The following NAA30 variants were observed in gnomAD, a reference collection of about 807,000 sequenced individuals.
NAA30 encodes the protein N-alpha-acetyltransferase 30.
A neutral mutation model predicts 31.4 loss-of-function variants in NAA30; 5 were observed. That is an observed-to-expected ratio of 0.16 (90% CI 0.08 to 0.33). The LOEUF (loss-of-function observed/expected upper bound fraction) is 0.33. Ranked by LOEUF, NAA30 falls within the 10% of genes least tolerant of loss-of-function variation. The pLI is 1.00. For missense variants in NAA30, 428 were observed against 490.8 expected, an observed-to-expected ratio of 0.87 and a Z score of 1.21; for synonymous variants, 222 against 207.1, an observed-to-expected ratio of 1.07 and a Z score of -0.62.
chr14:57,415,525 C>T lies in NAA30; in HGVS notation c.*6009C>T, dbSNP rs773542546. The T allele has an allele frequency of 2.0e-5, 3 of 152,002 alleles. No individual in the cohort carries two copies. Among genetic ancestry groups the T allele is most frequent in the African/African-American group, 4.8e-5 (2 of 41,378 alleles). The allele number at this position is 152,002 out of a possible 1,614,324, so 9.4% of individuals were successfully genotyped here. A position where few individuals can be genotyped will look rare whatever the true frequency, so the allele number is the denominator to read the frequency against. On this transcript the variant is annotated 3_prime_UTR_variant, in exon 5 of 5. Transcript: ENST00000556492. Reference sequence around the variant, plus strand: ...CTAGTTGTAATAATTTGTAAAAATGCGTGTATTTTTAGGAATGCGCTATTT... The same window carrying T: ...CTAGTTGTAATAATTTGTAAAAATGTGTGTATTTTTAGGAATGCGCTATTT...
At chr14:57,398,333 T>C (rs1425167618) in intron 3 of NAA30, among the ~76,000 whole-genome samples, 1 of 152,202 alleles carries the variant, frequency 6.6e-6, no homozygotes, top group African/African-American at 2.4e-5. Flanking sequence ...GCCAATTGTT[T>C]GGCTAGTTTG....
In NAA30 at chr14:57,415,860, G is replaced by C. The variant is rs1358533873; in HGVS notation, c.*6344G>C. 6.8e-6 allele frequency: 1 copy of C among 146,338 alleles called. No individual in the cohort carries two copies. Among genetic ancestry groups the C allele is most frequent in the Non-Finnish European group, 1.5e-5 (1 of 66,066 alleles). The allele number at this position is 146,338 out of a possible 1,614,324, so 9.1% of individuals were successfully genotyped here. On this transcript the variant is annotated 3_prime_UTR_variant, in exon 5 of 5. Coordinates refer to ENST00000556492, the MANE Select transcript of NAA30 (RefSeq NM_001011713.3). ...ACTCTGCATAGTCAGCGTTATACTT[G>C]ATTTCTTTGTGAATGCAAATAAAAT...
At chr14:57,407,739 T>C (rs2066503625) in intron 4 of NAA30, among the ~76,000 whole-genome samples, 1 of 152,180 alleles carries the variant, frequency 6.6e-6, no homozygotes, top group African/African-American at 2.4e-5. Context: ...AGGGAATCAG[T>C]AAACGGTTTT....
rs1279689105 is a variant in NAA30, at chr14:57,391,412, G to T, written c.455G>T (p.Ser152Ile). 1.2e-6 allele frequency: 2 copies of T among 1,607,348 alleles called. No individual in the cohort carries two copies. The highest frequency in any genetic ancestry group is 2.7e-5 in the African/African-American group (2 of 74,832). ...AGTAATGCAAGAACTGCGGTCCCCA[G>T]CCCGGTGGAGGCAGCGGCGGCGAGC... ...LSSNARTAVP[S>I]PVEAAAASDP... Residue 152 changes from serine (S) to isoleucine (I), a missense_variant, in exon 2 of 5, where the codon AGC becomes ATC. Transcript: ENST00000556492. This position sits in a 1 kb window ranked among gnomAD's most constrained non-coding sequence, Gnocchi z 4.1.
chr14:57,401,084 C>T (rs2066474895), intron 4 of NAA30, among the ~76,000 whole-genome samples: 1 of 152,144 alleles, frequency 6.6e-6, no homozygotes, highest in South Asian at 2.1e-4. Context: ...TTTTTAAACA[C>T]ACCTATGTGC....
intron 1 of NAA30, 96 bp from the exon 2 acceptor site, chr14:57,390,861 C>T (rs2066423360): frequency 8.0e-7 from 1 of 1,250,672 alleles, no homozygotes; most frequent in Non-Finnish European, 1.1e-6. Flanking sequence ...TGCCTTTGTT[C>T]CCCCCACCTC....
intron 2 of NAA30, among the ~76,000 whole-genome samples, chr14:57,392,193 A>T (rs1237895019): frequency 6.6e-6 from 1 of 152,164 alleles, no homozygotes; most frequent in Non-Finnish European, 1.5e-5. Flanking sequence ...TGGTGTGGTC[A>T]TATTGGAGAA....
At chr14:57,404,528 A>T (rs2066490445) in intron 4 of NAA30, among the ~76,000 whole-genome samples, 1 of 152,208 alleles carries the variant, frequency 6.6e-6, no homozygotes. Flanking sequence ...AACATTACAG[A>T]AAACTTGGGA....
At chr14:57,400,619 T>G (rs908984161) in intron 4 of NAA30, among the ~76,000 whole-genome samples, 1 of 152,146 alleles carries the variant, frequency 6.6e-6, no homozygotes, top group African/African-American at 2.4e-5. Context: ...TCTTTATTAT[T>G]AGAGGTCAGA....
chr14:57,394,306 TTTCTA>T (rs1051841563), intron 2 of NAA30, among the ~76,000 whole-genome samples: 16 of 152,178 alleles, frequency 1.1e-4, no homozygotes, highest in African/African-American at 3.9e-4. Flanking sequence ...TTCCTCCAGT[TTTCTA>T]TTTGTAGTGT....
chr14:57,394,966 T>C (rs544262410), intron 2 of NAA30, among the ~76,000 whole-genome samples: 1 of 152,312 alleles, frequency 6.6e-6, no homozygotes, highest in South Asian at 2.1e-4. Context: ...TCTGTGATAA[T>C]TTTATGTATG....
intron 2 of NAA30, among the ~76,000 whole-genome samples, chr14:57,392,524 C>T (rs2066433993): frequency 6.6e-6 from 1 of 151,930 alleles, no homozygotes. Context: ...GACTTTTGGA[C>T]GGTTTTTAAA....
chr14:57,391,046 C>T lies in NAA30; in HGVS notation c.89C>T (p.Pro30Leu), dbSNP rs771241080. 1.1e-4 allele frequency: 168 copies of T among 1,511,714 alleles called. 1 individual carries two copies. The highest frequency in any genetic ancestry group is 1.8e-5 in the Non-Finnish European group (20 of 1,137,340). 93.6% of individuals were successfully genotyped at this position (1,511,714 alleles called of 1,614,324 possible). Residue 30 changes from proline to leucine, a missense_variant, in exon 2 of 5, where the codon CCG becomes CTG. Around this residue, in one of 2 missense-constraint regions of NAA30, gnomAD observed 349 missense variants for 310.4 expected, o/e 1.12. Coordinates refer to ENST00000556492, the MANE Select transcript of NAA30 (RefSeq NM_001011713.3). This position sits in a 1 kb window ranked among gnomAD's most constrained non-coding sequence, Gnocchi z 4.1. Reference protein sequence around the residue: ...PAAVEPRCPFPAGAALACCSE... With the variant: ...PAAVEPRCPFLAGAALACCSE... ...GCGGTCGAGCCCCGCTGTCCCTTCC[C>T]GGCGGGGGCCGCCCTCGCCTGCTGC...
In NAA30 at chr14:57,415,494, G is replaced by A. The variant is rs569578701; in HGVS notation, c.*5978G>A. The A allele has an allele frequency of 6.6e-5, 10 of 152,214 alleles. No homozygotes were observed. The highest frequency in any genetic ancestry group is 6.2e-4 in the South Asian group (3 of 4,828). The allele number at this position is 152,214 out of a possible 1,614,324, so 9.4% of individuals were successfully genotyped here. On this transcript the variant is annotated 3_prime_UTR_variant, in exon 5 of 5. Coordinates refer to ENST00000556492, the MANE Select transcript of NAA30 (RefSeq NM_001011713.3). ...CCTGGTACTTAAATATTGTGTAGAG[G>A]GAAAGCTAGTTGTAATAATTTGTAA...
intron 2 of NAA30, among the ~76,000 whole-genome samples, chr14:57,395,409 G>T (rs1380310918): frequency 1.3e-5 from 2 of 152,118 alleles, no homozygotes; most frequent in African/African-American, 2.4e-5. Flanking sequence ...TTACTTATTA[G>T]TTTTTTGACT....
Position 57,391,874 on chromosome 14 carries a change from A to G in NAA30, c.771+146A>G, listed in dbSNP as rs2066429686. ...GATGTCAAGTGCTGTACACATTCCT[A>G]GTTATTTAATGAAATTGTTTTGAAG... On this transcript the variant is annotated intron_variant, in intron 2 of 4. Transcript: ENST00000556492. This position sits in a 1 kb window ranked among gnomAD's most constrained non-coding sequence, Gnocchi z 4.1. 1.5e-6 allele frequency: 1 copy of G among 688,582 alleles called. No individual in the cohort carries two copies. Among genetic ancestry groups the G allele is most frequent in the East Asian group, 2.6e-5 (1 of 38,834 alleles). The allele number at this position is 688,582 out of a possible 1,614,324, so 42.7% of individuals were successfully genotyped here. A position where few individuals can be genotyped will look rare whatever the true frequency, so the allele number is the denominator to read the frequency against.
chr14:57,397,204 G>C (rs1295250331), intron 3 of NAA30, among the ~76,000 whole-genome samples: 1 of 152,074 alleles, frequency 6.6e-6, no homozygotes, highest in Non-Finnish European at 1.5e-5. Flanking sequence ...ATTACATTAT[G>C]ATGGTCCTTC....
At chr14:57,405,330 C>A (rs2066493983) in intron 4 of NAA30, among the ~76,000 whole-genome samples, 1 of 151,600 alleles carries the variant, frequency 6.6e-6, no homozygotes, top group Non-Finnish European at 1.5e-5. Context: ...TACAGTCATT[C>A]TTTTTCCCCC....
At chr14:57,405,931 T>TG (rs1373459548) in intron 4 of NAA30, among the ~76,000 whole-genome samples, 1 of 151,740 alleles carries the variant, frequency 6.6e-6, no homozygotes, top group East Asian at 1.9e-4. Context: ...TTCACTGTAA[T>TG]TTTTTTTTCT....
Sources: gnomAD v4.1 joint callset for allele counts (sites outside exome capture counted in the v4.1 genomes callset) on GRCh38, gnomAD v4.1.1 for gene constraint, gnomAD v4.1.1 regional missense constraint, Gnocchi (gnomAD v3.1) non-coding constraint, MANE v1.5 for transcripts, NCBI Gene and HGNC (gene_info 2026-07-23, HGNC 2026-07-21) for gene names.